TNK2: variants seen among roughly 807,000 people sequenced by gnomAD.
TNK2 encodes the protein activated CDC42 kinase 1.
In TNK2, 83 loss-of-function variants were observed where a neutral mutation model predicts 101.8. The observed-to-expected ratio is 0.82, with a 90% confidence interval of 0.68 to 0.98. The LOEUF is 0.98. Ranked by LOEUF, TNK2 falls within the 50% of genes least tolerant of loss-of-function variation. The probability of loss-of-function intolerance (pLI) is 0.00; values close to 1 mark genes in which losing one functional copy is unlikely to be tolerated. For missense variants in TNK2, 1,665 were observed against 1,483.2 expected, an observed-to-expected ratio of 1.12 and a Z score of -2.01; for synonymous variants, 804 against 633.0, an observed-to-expected ratio of 1.27 and a Z score of -4.06.
rs1419391452 is a variant in TNK2 at position 195,867,375 on chromosome 3, C to T, written c.2923G>A (p.Asp975Asn). ...TGGGTGCTCACCATCTGGATCTTGT[C>T]TGCTGGCCGGCCCGCCTCTGGCCCA... ...GDGPEAGRPA[D>N]KIQMLQAMVH... The change falls in exon 13 of 16, where the codon GAC becomes AAC. Residue 975 changes from aspartate (D) to asparagine (N), a missense_variant. By Grantham distance (23) the Asp-to-Asn change is conservative (BLOSUM62 1). This residue lies in a region of TNK2 where 1,136 missense variants were observed against 894.9 expected (regional missense o/e 1.27). Transcript: ENST00000672887. The T allele has an allele frequency of 6.2e-7, 1 of 1,605,684 alleles. No individual in the cohort carries two copies. Among genetic ancestry groups the T allele is most frequent in the Non-Finnish European group, 8.5e-7 (1 of 1,177,442 alleles).
chr3:195,870,671 A>G (rs771757979), intron 10 of TNK2, among the ~76,000 whole-genome samples: 3 of 152,126 alleles, frequency 2.0e-5, no homozygotes, highest in Non-Finnish European at 4.4e-5. Flanking sequence ...CTCCGGATCC[A>G]CCCTCCGTCC....
rs1015755352 is a variant in TNK2, at chr3:195,883,064, C to T, written c.609+93G>A. 84 of 1,476,800 alleles carry T rather than the reference C, an allele frequency of 5.7e-5. 2 individuals carry two copies. The South Asian group carries it at 8.7e-4, about 15-fold the overall frequency. The allele number at this position is 1,476,800 out of a possible 1,614,324, so 91.5% of individuals were successfully genotyped here. ...TGGGGGACCAAAGTAGGATCTAGGG[C>T]GCCTCTGACCTTAGGATGGAGAGAG... On this transcript the variant is annotated intron_variant, in intron 5 of 15. Transcript: ENST00000672887.
At chr3:195,902,446 C>T (rs1341867643) in intron 1 of TNK2, among the ~76,000 whole-genome samples, 7 of 151,874 alleles carry the variant, frequency 4.6e-5, no homozygotes, top group Admixed American at 4.6e-4. Context: ...GGTGAAACCC[C>T]ATCTCTACTA....
intron 9 of TNK2, among the ~76,000 whole-genome samples, chr3:195,873,502 G>A (rs1456875520): frequency 1.3e-5 from 2 of 151,480 alleles, no homozygotes; most frequent in African/African-American, 4.8e-5. Flanking sequence ...TGGGCAGGCG[G>A]GGGCGGTGAC....
Position 195,888,394 on chromosome 3 carries a change from G to T in TNK2, c.163+32C>A. On this transcript the variant is annotated intron_variant, in intron 2 of 15. Transcript: ENST00000672887. The surrounding 1 kb of genome is among the most constrained non-coding windows in gnomAD (Gnocchi z 5.3). ...AGGACAGAGGACGGAAAGGGTCAGG[G>T]GCAAGACAAGCCAGGCCAACATCCC... is the stretch of plus-strand genomic sequence containing the variant. 1.9e-6 allele frequency: 3 copies of T among 1,604,664 alleles called. No homozygotes were observed. The highest frequency in any genetic ancestry group is 2.6e-6 in the Non-Finnish European group (3 of 1,173,806).
chr3:195,867,965 T>C lies in TNK2; in HGVS notation c.2333A>G (p.Glu778Gly), dbSNP rs754266209. Residue 778 changes from glutamate (E) to glycine (G), a missense_variant, in exon 13 of 16, where the codon GAG (glutamate) becomes GGG (glycine). By Grantham distance (98) the Glu-to-Gly change is moderately conservative. Around this residue, in one of 3 missense-constraint regions of TNK2, gnomAD observed 1,136 missense variants for 894.9 expected, o/e 1.27. Coordinates refer to ENST00000672887, the MANE Select transcript of TNK2 (RefSeq NM_001382273.1). ...TCCAGGCCACTGGCTGGTCTCCTCC[T>C]CGCCCGGGGGGGCTGGAGACAGCTG... ...HVQLSPAPPG[E>G]EETSQWPGPA... is the part of the protein sequence containing the mutation. 14 of 1,544,380 alleles carry C rather than the reference T, an allele frequency of 9.1e-6. No individual in the cohort carries two copies. The highest frequency in any genetic ancestry group is 1.2e-5 in the Non-Finnish European group (14 of 1,157,534).
chr3:195,867,772 G>A lies in TNK2; in HGVS notation c.2526C>T (p.Tyr842=), dbSNP rs752101541. The A allele has an allele frequency of 2.5e-5, 39 of 1,583,560 alleles. No homozygotes were observed. In the East Asian group the frequency reaches 5.4e-4, roughly 22 times the overall value. Reference sequence around the variant, plus strand: ...GGGCCTGGATCACCTGGGGGGTGGCGTACTTGGGGTCTGAGGCAAAGCTCT... The same window carrying A: ...GGGCCTGGATCACCTGGGGGGTGGCATACTTGGGGTCTGAGGCAAAGCTCT... The part of the protein sequence containing the change: ...TTQSFASDPK[Y]ATPQVIQAPG... Residue 842 remains tyrosine (Y), a synonymous_variant, in exon 13 of 16, where the codon TAC becomes TAT. Transcript: ENST00000672887.
chr3:195,868,517 A>G lies in TNK2; in HGVS notation c.1781T>C (p.Val594Ala), dbSNP rs941740281. The part of the protein sequence containing the change: ...TLIDFGEEPV[V>A]PALRPCAPSL... ...GGGCGCGCAGGGCCGTAGGGCCGGG[A>G]CCACGGGCTCCTCACCGAAGTCGAT... The change falls in exon 13 of 16, where the codon GTC (valine) becomes GCC (alanine). Residue 594 changes from valine (V) to alanine (A), a missense_variant. Physicochemically the swap from Val to Ala is moderately conservative, Grantham distance 64. Transcript: ENST00000672887. 5.8e-6 allele frequency: 9 copies of G among 1,558,556 alleles called. No homozygotes were observed. The highest frequency in any genetic ancestry group is 1.4e-5 in the African/African-American group (1 of 73,320).
chr3:195,874,377 G>C (rs1747639837), intron 9 of TNK2, among the ~76,000 whole-genome samples: 1 of 152,210 alleles, frequency 6.6e-6, no homozygotes, highest in Non-Finnish European at 1.5e-5. Flanking sequence ...CTTAGTGCAG[G>C]TATGGCCGAG....
chr3:195,866,424 C>T (rs1740894167), intron 15 of TNK2, among the ~76,000 whole-genome samples: 2 of 152,250 alleles, frequency 1.3e-5, no homozygotes, highest in Admixed American at 1.3e-4. Flanking sequence ...TGGTCTCGAA[C>T]TCCTGACCTC....
chr3:195,879,308 C>T lies in TNK2; in HGVS notation c.888-133G>A, dbSNP rs189317160. ...CAGGTTCAACAGTGGGTCTCAGGGG[C>T]GCCGTGTGAAGCGGGCAGGACCCCT... On this transcript the variant is annotated intron_variant, in intron 6 of 15. Transcript: ENST00000672887. The T allele has an allele frequency of 9.9e-6, 14 of 1,409,298 alleles. No individual in the cohort carries two copies. The African/African-American group carries it at 1.1e-4, about 11-fold the overall frequency. 87.3% of individuals were successfully genotyped at this position (1,409,298 alleles called of 1,614,324 possible).
Position 195,892,483 on chromosome 3 carries a change from C to T in TNK2, c.-18-3877G>A, listed in dbSNP as rs779349215. On this transcript the variant is annotated intron_variant, in intron 1 of 15. Coordinates refer to ENST00000672887, the MANE Select transcript of TNK2 (RefSeq NM_001382273.1). ...CCAGGCCAGGGAACCGACGTGCTGC[C>T]GGCATCTCCACGCAGCGGGACCCCC... 8.9e-5 allele frequency: 136 copies of T among 1,535,654 alleles called. No individual in the cohort carries two copies. The highest frequency in any genetic ancestry group is 3.2e-4 in the South Asian group (27 of 84,028).
chr3:195,901,199 G>A lies in TNK2; in HGVS notation c.-19+7286C>T, dbSNP rs144960537. 4.6e-5 allele frequency among the ~76,000 whole-genome samples: 7 copies of A among 152,308 alleles called. No homozygotes were observed. In the East Asian group the frequency reaches 9.7e-4, roughly 21 times the overall value. On this transcript the variant is annotated intron_variant, in intron 1 of 15. Transcript: ENST00000672887. ...CTCACCATCTGACCTTGAAGAGCCC[G>A]GGACCCTCAAAGGGGAAGGGGCGTG...
intron 9 of TNK2, among the ~76,000 whole-genome samples, chr3:195,874,014 C>T (rs570431702): frequency 2.6e-5 from 4 of 152,270 alleles, no homozygotes; most frequent in African/African-American, 9.6e-5. Flanking sequence ...AGCAGGGCCA[C>T]TCGAAGGAGC....
chr3:195,884,788 G>A (rs373448718), intron 4 of TNK2, 24 bp downstream of exon 4: 15 of 1,588,072 alleles, frequency 9.4e-6, no homozygotes, highest in East Asian at 2.3e-5. Flanking sequence ...CCTCTGCTGC[G>A]CTGGCAGGAC....
chr3:195,871,803 AT>A (rs1241065610), intron 10 of TNK2, among the ~76,000 whole-genome samples: 3 of 152,176 alleles, frequency 2.0e-5, no homozygotes, highest in African/African-American at 7.2e-5. Flanking sequence ...CCTTCCCCTT[AT>A]TGGGGGGGTG....
intron 15 of TNK2, among the ~76,000 whole-genome samples, 183 bp downstream of exon 15, chr3:195,866,706 C>T (rs1741084592): frequency 6.6e-6 from 1 of 152,194 alleles, no homozygotes; most frequent in African/African-American, 2.4e-5. Context: ...CTAAAATGTC[C>T]AAATAAACAC....
rs1011431773 is a variant in TNK2, at chr3:195,882,710, T to C, written c.610-382A>G. On this transcript the variant is annotated intron_variant, in intron 5 of 15. Coordinates refer to ENST00000672887, the MANE Select transcript of TNK2 (RefSeq NM_001382273.1). The surrounding 1 kb of genome is among the most constrained non-coding windows in gnomAD (Gnocchi z 4.2). ...CCGTCTCTACTAAAAATACAAAAAT[T>C]AGCCAGGCATGGTAGCGCACGGCTG... 6.6e-6 allele frequency among the ~76,000 whole-genome samples: 1 copy of C among 151,782 alleles called. No homozygotes were observed. Among genetic ancestry groups the C allele is most frequent in the Admixed American group, 6.6e-5 (1 of 15,226 alleles).
intron 1 of TNK2, chr3:195,892,465 A>G (rs1172106881): frequency 1.3e-6 from 2 of 1,535,406 alleles, no homozygotes; most frequent in African/African-American, 1.4e-5. Context: ...GCTCCAGGCC[A>G]GGGAACCGAC....
Sources: gnomAD v4.1 joint callset for allele counts (sites outside exome capture counted in the v4.1 genomes callset) on GRCh38, gnomAD v4.1.1 for gene constraint, gnomAD v4.1.1 regional missense constraint, Gnocchi (gnomAD v3.1) non-coding constraint, MANE v1.5 for transcripts, NCBI Gene and HGNC (gene_info 2026-07-23, HGNC 2026-07-21) for gene names.